The following ARID3C variants were observed in gnomAD, a reference collection of about 807,000 sequenced individuals.
ARID3C encodes AT-rich interaction domain 3C.
ARID3C carries 42 observed loss-of-function variants against 37.9 expected under a neutral mutation model. That is an observed-to-expected ratio of 1.11 (90% CI 0.87 to 1.43). The LOEUF (loss-of-function observed/expected upper bound fraction) is 1.43, where lower values mean the gene tolerates loss of function less well. Among genes scored for constraint, ARID3C ranks in the 40% most tolerant of loss-of-function variants. The probability of loss-of-function intolerance (pLI) is 0.00; values close to 1 mark genes in which losing one functional copy is unlikely to be tolerated. For missense variants in ARID3C, 581 were observed against 548.8 expected (o/e 1.06, Z -0.59); for synonymous variants, 213 against 228.0 (o/e 0.93, Z 0.59).
Position 34,627,761 on chromosome 9 carries a change from G to A in ARID3C, c.254C>T (p.Ser85Leu), listed in dbSNP as rs143589793. Residue 85 changes from serine to leucine, a missense_variant, in exon 1 of 7, where the codon TCG becomes TTG. Ser to Leu is a moderately radical substitution (Grantham distance 145). Coordinates refer to ENST00000378909, the Ensembl canonical transcript of ARID3C. ...GAGTCCAGGGGGCTGGCTAGAAGGCGAGCTGGGGCCCTGGGCCCCTGGACG... is the reference window on the plus strand; with the variant it reads ...GAGTCCAGGGGGCTGGCTAGAAGGCAAGCTGGGGCCCTGGGCCCCTGGACG... 501 of 1,614,160 alleles carry A rather than the reference G, an allele frequency of 3.1e-4. No homozygotes were observed. Among genetic ancestry groups the A allele is most frequent in the Non-Finnish European group, 4.0e-4 (473 of 1,180,012 alleles).
intron 2 of ARID3C, among the ~76,000 whole-genome samples, chr9:34,624,827 G>A (rs1161502332): frequency 3.9e-5 from 6 of 152,226 alleles, no homozygotes; most frequent in Non-Finnish European, 8.8e-5. Flanking sequence ...TGGAGCGGTG[G>A]GAGGCAGGGA....
chr9:34,625,558 G>A (rs1391545677), intron 2 of ARID3C, among the ~76,000 whole-genome samples, 184 bp downstream of exon 3: 1 of 149,684 alleles, frequency 6.7e-6, no homozygotes, highest in Non-Finnish European at 1.5e-5. Context: ...ACCTGCCAGT[G>A]GGCTGGCCAC....
upstream of ARID3C, among the ~76,000 whole-genome samples, chr9:34,629,042 C>T (rs1273889351): frequency 1.3e-5 from 2 of 151,884 alleles, no homozygotes; most frequent in Admixed American, 6.6e-5. Flanking sequence ...GCTCCTCTGG[C>T]GGCTGTGCGC....
intron 1 of ARID3C, among the ~76,000 whole-genome samples, chr9:34,626,743 T>G (rs947968419): frequency 1.3e-5 from 2 of 152,134 alleles, no homozygotes; most frequent in Admixed American, 1.3e-4. Flanking sequence ...ATTACTTAGA[T>G]CCAAGTAATA....
chr9:34,625,147 A>G (rs1470626599), intron 2 of ARID3C, among the ~76,000 whole-genome samples: 1 of 152,122 alleles, frequency 6.6e-6, no homozygotes, highest in Non-Finnish European at 1.5e-5. Context: ...AGCTTTGCAG[A>G]GAGAGATAAT....
chr9:34,621,737 A>G (rs984617364), intron 6 of ARID3C, among the ~76,000 whole-genome samples, 179 bp from the exon 8 acceptor site: 1 of 152,162 alleles, frequency 6.6e-6, no homozygotes, highest in Non-Finnish European at 1.5e-5. Flanking sequence ...TTGCTAATGT[A>G]GATACCTCAA....
At chr9:34,632,637 C>T (rs1287724000), upstream of ARID3C, among the ~76,000 whole-genome samples, 1 of 152,076 alleles carries the variant, frequency 6.6e-6, no homozygotes, top group African/African-American at 2.4e-5. Flanking sequence ...TGATTAGAGT[C>T]TGGATATATT....
chr9:34,623,351 T>C (rs896336497), intron 4 of ARID3C, 74 bp downstream of exon 5: 1 of 1,436,086 alleles, frequency 7.0e-7, no homozygotes, highest in Non-Finnish European at 9.2e-7. Context: ...ATCCTCACAT[T>C]TTAATGGTTG....
chr9:34,629,063 C>A (rs1424220926), upstream of ARID3C, among the ~76,000 whole-genome samples: 2 of 152,040 alleles, frequency 1.3e-5, no homozygotes, highest in Non-Finnish European at 2.9e-5. Context: ...TCACTCGCCG[C>A]GCTGCTTGCG....
At chr9:34,629,983 G>A (rs149407951), upstream of ARID3C, among the ~76,000 whole-genome samples, 122 of 152,082 alleles carry the variant, frequency 8.0e-4, no homozygotes, top group Non-Finnish European at 1.6e-3. Flanking sequence ...GGCTGGTCTC[G>A]AACTCCTGAC....
upstream of ARID3C, among the ~76,000 whole-genome samples, chr9:34,632,742 G>A (rs938674302): frequency 3.3e-5 from 5 of 152,296 alleles, no homozygotes; most frequent in South Asian, 4.1e-4. Context: ...GGTAAATGGA[G>A]GTGCCCTTAA....
chr9:34,623,903 G>T, exon 3 of ARID3C: 1 of 1,601,664 alleles, frequency 6.2e-7, no homozygotes, highest in East Asian at 2.2e-5. Flanking sequence ...GATGGTGGTG[G>T]GTAGGCTGAG....
chr9:34,624,645 G>A (rs181650235), intron 2 of ARID3C, among the ~76,000 whole-genome samples: 238 of 152,300 alleles, frequency 1.6e-3, no homozygotes, highest in African/African-American at 5.5e-3. Context: ...AGCCCGCGCC[G>A]CCCCCGCCGG....
At position 34,623,447 on chromosome 9, in the gene ARID3C, CAGCTGAGCGCATGCATGCGCTGG is replaced by C. The variant is rs752153221; in HGVS notation, c.820_842del (p.Pro274GlufsTer6). 2.0e-6 allele frequency: 3 copies of C among 1,529,624 alleles called. No homozygotes were observed. In the Admixed American group the frequency reaches 6.6e-5, roughly 34 times the overall value. The allele number at this position is 1,529,624 out of a possible 1,614,324, so 94.8% of individuals were successfully genotyped here. On this transcript the variant is annotated frameshift_variant, in exon 4 of 7. Transcript: ENST00000378909. LOFTEE classifies it high-confidence loss of function. Reference sequence around the variant, plus strand: ...CACCTTTCTTAATAGGGCTTGGACTCAGCTGAGCGCATGCATGCGCTGGCAGGCCGGAGGTGGAACCCTGGGCT... The same window carrying C: ...CACCTTTCTTAATAGGGCTTGGACTCCAGGCCGGAGGTGGAACCCTGGGCT...
Position 34,627,849 on chromosome 9 carries a change from C to T in ARID3C, c.166G>A (p.Ala56Thr), listed in dbSNP as rs1299148268. 3 of 1,602,388 alleles carry T rather than the reference C, an allele frequency of 1.9e-6. No individual in the cohort carries two copies. In the East Asian group the frequency reaches 6.8e-5, roughly 36 times the overall value. Residue 56 changes from alanine to threonine, a missense_variant, in exon 1 of 7, where the codon GCT becomes ACT. By Grantham distance (58) the Ala-to-Thr change is moderately conservative (BLOSUM62 0). Transcript: ENST00000378909. ...TCCCGCTTCTCCTCATCTTCTTCAGCATCTTCCTCTTCCTCAGCCCCAACA... is the reference window on the plus strand; with the variant it reads ...TCCCGCTTCTCCTCATCTTCTTCAGTATCTTCCTCTTCCTCAGCCCCAACA...
chr9:34,629,568 T>G (rs1432768585), upstream of ARID3C, among the ~76,000 whole-genome samples: 3 of 152,174 alleles, frequency 2.0e-5, no homozygotes, highest in African/African-American at 7.2e-5. Context: ...TGTCCCCCAC[T>G]GCGGGCATGC....
intron 1 of ARID3C, 117 bp downstream of exon 2, chr9:34,627,580 T>C (rs529552939): frequency 5.1e-5 from 46 of 907,542 alleles, no homozygotes; most frequent in Non-Finnish European, 6.6e-5. Context: ...TGTCTCTGTG[T>C]CTCTTTTCAT....
chr9:34,632,193 T>C (rs1820727981), upstream of ARID3C, among the ~76,000 whole-genome samples: 1 of 152,202 alleles, frequency 6.6e-6, no homozygotes, highest in African/African-American at 2.4e-5. Context: ...ATATAAGTGT[T>C]GAAGAACTCA....
upstream of ARID3C, among the ~76,000 whole-genome samples, chr9:34,628,646 TAGAC>T (rs1209551047): frequency 1.3e-5 from 2 of 150,666 alleles, no homozygotes; most frequent in Non-Finnish European, 3.0e-5. This position sits in a 1 kb window ranked among gnomAD's most constrained non-coding sequence, Gnocchi z 5.2. Context: ...GATAGACAAA[TAGAC>T]AGGGGTTGAG....
Sources: gnomAD v4.1 joint callset for allele counts (sites outside exome capture counted in the v4.1 genomes callset) on GRCh38, gnomAD v4.1.1 for gene constraint, Gnocchi (gnomAD v3.1) non-coding constraint, MANE v1.5 for transcripts, NCBI Gene and HGNC (gene_info 2026-07-23, HGNC 2026-07-21) for gene names.